SYTL3: variants seen among roughly 807,000 people sequenced by gnomAD.
SYTL3 encodes the protein synaptotagmin like 3.
SYTL3 carries 88 observed loss-of-function variants against 82.1 expected under a neutral mutation model. The observed-to-expected ratio is 1.07, with a 90% confidence interval of 0.90 to 1.28. The LOEUF (loss-of-function observed/expected upper bound fraction) is 1.28, where lower values mean the gene tolerates loss of function less well. SYTL3 is among the 50% of genes most tolerant of loss of function. The pLI is 0.00. For missense variants in SYTL3, 831 were observed against 757.6 expected (o/e 1.10, Z -1.14); for synonymous variants, 311 against 289.4 (o/e 1.07, Z -0.76).
Position 158,658,379 on chromosome 6 carries a change from G to T in SYTL3, c.-636-2890G>T, listed in dbSNP as rs142610154. 4.0e-3 allele frequency among the ~76,000 whole-genome samples: 605 copies of T among 152,340 alleles called. 9 individuals are homozygous for T. Among genetic ancestry groups the T allele is most frequent in the South Asian group, 0.036 (175 of 4,824 alleles). ...ATATACTCCACACATTCCTAAAGAT[G>T]GGGGTATGGTACTGCACTCATTGAA... On this transcript the variant is annotated intron_variant, in intron 2 of 17. Coordinates refer to ENST00000611299, the MANE Select transcript of SYTL3 (RefSeq NM_001242394.2).
chr6:158,674,907 C>T (rs999919488), intron 5 of SYTL3, among the ~76,000 whole-genome samples: 4 of 151,936 alleles, frequency 2.6e-5, no homozygotes, highest in African/African-American at 9.7e-5. Flanking sequence ...GTTGTCTCCC[C>T]TCCCAGCCCC....
At chr6:158,674,159 T>C (rs1219876684) in intron 5 of SYTL3, among the ~76,000 whole-genome samples, 1 of 151,794 alleles carries the variant, frequency 6.6e-6, no homozygotes, top group Admixed American at 6.6e-5. Context: ...CAACATTTAA[T>C]GTCTTTTTCT....
chr6:158,665,527 G>C lies in SYTL3; in HGVS notation c.243G>C (p.Arg81=). ...TGCTGCACCGGGGCGCCGTGTGCCG[G>C]GGCTGCAGCCACCGCGTGTGTGCCC... ...GFLLHRGAVC[R]GCSHRVCAQC... Residue 81 remains arginine, a synonymous_variant, in exon 5 of 18, where the codon CGG becomes CGC. Coordinates refer to ENST00000611299, the MANE Select transcript of SYTL3 (RefSeq NM_001242394.2). The C allele has an allele frequency of 3.8e-6, 6 of 1,591,882 alleles. No individual in the cohort carries two copies. The highest frequency in any genetic ancestry group is 5.1e-6 in the Non-Finnish European group (6 of 1,170,034).
intron 13 of SYTL3, among the ~76,000 whole-genome samples, chr6:158,753,311 G>A (rs1033735406): frequency 6.6e-6 from 1 of 151,820 alleles, no homozygotes; most frequent in Non-Finnish European, 1.5e-5. Context: ...TTGAACTCCT[G>A]ACCCCAGGTA....
chr6:158,658,333 A>G (rs1349100098), intron 2 of SYTL3, among the ~76,000 whole-genome samples: 2 of 152,246 alleles, frequency 1.3e-5, no homozygotes, highest in African/African-American at 4.8e-5. Context: ...CAAGACAGTT[A>G]TTTGTCGCTG....
chr6:158,690,654 G>A (rs1179988177), intron 6 of SYTL3, among the ~76,000 whole-genome samples: 1 of 152,118 alleles, frequency 6.6e-6, no homozygotes, highest in East Asian at 1.9e-4. Flanking sequence ...TCTTCATTTT[G>A]TAGAGCGATA....
In SYTL3 at chr6:158,757,374, G is replaced by A. The variant is rs371486137; in HGVS notation, c.1301G>A (p.Arg434Gln). ...TTQSFRWHPL[R>Q]AKAEKYEDSV... ...CAGTCCTTCCGCTGGCATCCGCTCC[G>A]GGCCAAGGTGATGTCTGGTTTTGGA... The change falls in exon 14 of 18, where the codon CGG becomes CAG. Residue 434 changes from arginine to glutamine, a missense_variant. Coordinates refer to ENST00000611299, the MANE Select transcript of SYTL3 (RefSeq NM_001242394.2). The A allele has an allele frequency of 8.7e-6, 14 of 1,613,758 alleles. No individual in the cohort carries two copies. The highest frequency in any genetic ancestry group is 2.2e-5 in the East Asian group (1 of 44,888).
intron 11 of SYTL3, among the ~76,000 whole-genome samples, chr6:158,736,880 G>T (rs1786248669): frequency 6.6e-6 from 1 of 151,980 alleles, no homozygotes; most frequent in African/African-American, 2.4e-5. Context: ...CCTGGAGACA[G>T]GAATGAGAGG....
In SYTL3 at chr6:158,677,396, G is replaced by A. The variant is rs969821251; in HGVS notation, c.330-5529G>A. ...CACAGGAAGGGGAACATCACACACCGGGGAATGTTGTGGGGAGCGGGGAGG... is the reference window on the plus strand; with the variant it reads ...CACAGGAAGGGGAACATCACACACCAGGGAATGTTGTGGGGAGCGGGGAGG... On this transcript the variant is annotated intron_variant, in intron 5 of 17. Coordinates refer to ENST00000611299, the MANE Select transcript of SYTL3 (RefSeq NM_001242394.2). 1.2e-4 allele frequency among the ~76,000 whole-genome samples: 18 copies of A among 152,196 alleles called. 2 individuals carry two copies. The South Asian group carries it at 2.3e-3, about 19-fold the overall frequency.
rs547514903 is a variant in SYTL3, at chr6:158,704,423, C to T, written c.395-2807C>T. On this transcript the variant is annotated intron_variant, in intron 6 of 17. Transcript: ENST00000611299. ...CGCCCGGTCCGTGCAGGAGCCGCAG[C>T]GGGGACGCGGGGGATTTGCGACCCG... Among the ~76,000 whole-genome samples, 14 of 152,370 alleles carry T rather than the reference C, an allele frequency of 9.2e-5. No individual in the cohort carries two copies. In the South Asian group the frequency reaches 1.9e-3, roughly 20 times the overall value.
chr6:158,684,168 C>T (rs549681497), intron 6 of SYTL3, among the ~76,000 whole-genome samples: 7 of 152,158 alleles, frequency 4.6e-5, no homozygotes, highest in African/African-American at 1.7e-4. Flanking sequence ...TGATGGTGTC[C>T]AGTGTGTGGC....
intron 11 of SYTL3, among the ~76,000 whole-genome samples, chr6:158,731,278 C>T (rs1785376202): frequency 1.3e-5 from 2 of 150,256 alleles, no homozygotes; most frequent in Admixed American, 6.6e-5. Flanking sequence ...AACAAAACTC[C>T]ATCTCAAAAA....
At chr6:158,733,033 GTAA>G (rs1362152811) in intron 11 of SYTL3, among the ~76,000 whole-genome samples, 4 of 150,576 alleles carry the variant, frequency 2.7e-5, no homozygotes, top group Non-Finnish European at 4.4e-5. Context: ...TTCCTTTCTG[GTAA>G]TAATAATAAT....
At chr6:158,754,368 G>A (rs1244685218) in intron 13 of SYTL3, among the ~76,000 whole-genome samples, 1 of 152,182 alleles carries the variant, frequency 6.6e-6, no homozygotes, top group Non-Finnish European at 1.5e-5. Context: ...ATTCCCAGCT[G>A]AGCCTGGAGC....
chr6:158,715,407 T>G (rs1022267224), intron 9 of SYTL3, among the ~76,000 whole-genome samples: 5 of 152,058 alleles, frequency 3.3e-5, no homozygotes, highest in African/African-American at 1.2e-4. Flanking sequence ...TCATTGGATA[T>G]GCTCACAGCT....
intron 6 of SYTL3, among the ~76,000 whole-genome samples, chr6:158,692,772 C>CT (rs1305313864): frequency 4.4e-5 from 5 of 113,390 alleles, no homozygotes; most frequent in Non-Finnish European, 7.3e-5. Context: ...CCCGTCTCTA[C>CT]TAAAAAAAAA....
chr6:158,759,234 GGTGGCACAGAGCTGCAA>G (rs1473352793), intron 14 of SYTL3, among the ~76,000 whole-genome samples: 1 of 148,624 alleles, frequency 6.7e-6, no homozygotes, highest in African/African-American at 2.6e-5. Context: ...CAGAGCTGCA[GGTGGCACAGAGCTGCAA>G]GGCATCCCTC....
chr6:158,698,453 A>G (rs894458138), intron 6 of SYTL3, among the ~76,000 whole-genome samples: 6 of 151,248 alleles, frequency 4.0e-5, no homozygotes, highest in African/African-American at 1.5e-4. Context: ...GTGACTGGAT[A>G]TCATGATTCT....
chr6:158,737,163 T>A (rs1428796709), intron 11 of SYTL3, among the ~76,000 whole-genome samples: 1 of 152,202 alleles, frequency 6.6e-6, no homozygotes, highest in Non-Finnish European at 1.5e-5. Context: ...TGGTTCTAAG[T>A]CTTTTTCCGT....
Sources: allele counts gnomAD v4.1 joint callset (sites outside exome capture counted in the v4.1 genomes callset), GRCh38; gene constraint gnomAD v4.1.1; transcripts MANE v1.5; gene names NCBI Gene and HGNC (gene_info 2026-07-23, HGNC 2026-07-21).